Variants in DOCK1 observed in about 807,000 individuals in gnomAD.
The protein encoded by DOCK1 is dedicator of cytokinesis 1, also known as dedicator of cytokinesis protein 1.
A neutral mutation model predicts 262.7 loss-of-function variants in DOCK1; 138 were observed. That is an observed-to-expected ratio of 0.53 (90% CI 0.46 to 0.61). DOCK1 has a LOEUF of 0.61. Among genes scored for constraint, DOCK1 ranks in the 20% least tolerant of loss-of-function variants. The probability of loss-of-function intolerance (pLI) is 0.00; values close to 1 mark genes in which losing one functional copy is unlikely to be tolerated. For synonymous variants in DOCK1, 866 were observed against 867.4 expected (o/e 1.00, Z 0.03); for missense variants, 1,908 against 2,370.7 (o/e 0.80, Z 4.05).
chr10:127,252,610 G>A (rs1034883434), intron 28 of DOCK1, among the ~76,000 whole-genome samples: 87 of 150,814 alleles, frequency 5.8e-4, no homozygotes, highest in African/African-American at 2.0e-3. Flanking sequence ...CATATGGCTA[G>A]CCAGTTTTCC....
chr10:127,270,901 G>A (rs2060539412), intron 29 of DOCK1, among the ~76,000 whole-genome samples: 1 of 152,070 alleles, frequency 6.6e-6, no homozygotes, highest in Admixed American at 6.6e-5. Flanking sequence ...TGATTAGGTT[G>A]AGCACATTTT....
chr10:127,153,785 G>T, intron 27 of DOCK1: 1 of 1,248,422 alleles, frequency 8.0e-7, no homozygotes, highest in Non-Finnish European at 1.2e-6. Context: ...GATCGTTCTT[G>T]CATTTGTGGG....
Position 127,012,404 on chromosome 10 carries a change from G to T in DOCK1, c.1201+30G>T. 2 of 1,609,140 alleles carry T rather than the reference G, an allele frequency of 1.2e-6. No individual in the cohort carries two copies. Among genetic ancestry groups the T allele is most frequent in the Non-Finnish European group, 1.7e-6 (2 of 1,175,752 alleles). On this transcript the variant is annotated intron_variant, in intron 12 of 51. Transcript: ENST00000623213. The surrounding 1 kb of genome is among the most constrained non-coding windows in gnomAD (Gnocchi z 4.0). ...GTATTTTCCTATTTTGTTTCTATCA[G>T]CGTGTATTTGCATGCGTTGGGGCAG... is the stretch of plus-strand genomic sequence containing the variant.
intron 35 of DOCK1, among the ~76,000 whole-genome samples, chr10:127,379,229 C>T (rs185741455): frequency 9.8e-4 from 149 of 152,282 alleles, no homozygotes; most frequent in African/African-American, 3.5e-3. Context: ...AGATGTTCAC[C>T]TTAAGAAATA....
Position 127,413,916 on chromosome 10 carries a change from A to ATT in DOCK1, c.4429-1236_4429-1235insTT, listed in dbSNP as rs200195531. Among the ~76,000 whole-genome samples, 79 of 148,050 alleles carry ATT rather than the reference A, an allele frequency of 5.3e-4. 1 individual carries two copies. The highest frequency in any genetic ancestry group is 3.9e-3 in the South Asian group (18 of 4,568). On this transcript the variant is annotated intron_variant, in intron 43 of 51. Transcript: ENST00000623213. ...CCAAGATCCAAGTCAGTTTTCTGAA[A>ATT]ATTTTTTTTTTTTGAGAGAGAGTCT...
intron 48 of DOCK1, among the ~76,000 whole-genome samples, chr10:127,438,110 C>A (rs1351461453): frequency 1.3e-5 from 2 of 152,228 alleles, no homozygotes; most frequent in African/African-American, 4.8e-5. Flanking sequence ...TCTCCTGACT[C>A]CTCCTCACAG....
intron 44 of DOCK1, among the ~76,000 whole-genome samples, chr10:127,416,690 T>C (rs1009523357): frequency 6.6e-6 from 1 of 152,136 alleles, no homozygotes; most frequent in Admixed American, 6.5e-5. Context: ...CCTTCTTCAA[T>C]AAAAATAGGA....
At chr10:127,217,334 A>G (rs906727952) in intron 27 of DOCK1, among the ~76,000 whole-genome samples, 2 of 152,198 alleles carry the variant, frequency 1.3e-5, no homozygotes, top group Non-Finnish European at 2.9e-5. Context: ...GCTTTATTTC[A>G]TTAGTGATAT....
chr10:127,127,993 C>T (rs944644156), intron 27 of DOCK1: 6 of 332,652 alleles, frequency 1.8e-5, no homozygotes, highest in Admixed American at 4.7e-5. Flanking sequence ...TTACTTATAG[C>T]AAAAGACATG....
At position 127,248,029 on chromosome 10, in the gene DOCK1, A is replaced by G; in HGVS notation, c.2869A>G (p.Thr957Ala). The change falls in exon 28 of 52, where the codon ACA becomes GCA. Residue 957 changes from threonine to alanine, a missense_variant. This residue lies in a region of DOCK1 where 518 missense variants were observed against 575.1 expected (regional missense o/e 0.90). Coordinates refer to ENST00000623213, the MANE Select transcript of DOCK1 (RefSeq NM_001290223.2). ...ACAGGGAAACTTCGTGGCTTGCATG[A>G]CAGCTATTTTACGACAAATGGAAGA... Reference protein sequence around the residue: ...ELIGNFVACMTAILRQMEDYH... With the variant: ...ELIGNFVACMAAILRQMEDYH... 1.9e-6 allele frequency: 3 copies of G among 1,613,956 alleles called. No individual in the cohort carries two copies. Among genetic ancestry groups the G allele is most frequent in the Non-Finnish European group, 2.5e-6 (3 of 1,179,868 alleles).
intron 27 of DOCK1, among the ~76,000 whole-genome samples, chr10:127,184,248 G>C (rs1308713627): frequency 6.6e-6 from 1 of 152,160 alleles, no homozygotes; most frequent in Non-Finnish European, 1.5e-5. Context: ...CAACTTAGTA[G>C]ATTCTGTCAG....
chr10:127,137,873 A>G, intron 27 of DOCK1: 1 of 1,614,032 alleles, frequency 6.2e-7, no homozygotes, highest in Non-Finnish European at 8.5e-7. Flanking sequence ...CGTGCTTTTT[A>G]GATTCAGTTT....
At chr10:127,433,550 C>G in intron 48 of DOCK1, 122 bp downstream of exon 48, 1 of 1,313,800 alleles carries the variant, frequency 7.6e-7, no homozygotes, top group Non-Finnish European at 1.0e-6. Context: ...TCAAAATTAT[C>G]TTTGAAACTG....
Position 127,106,292 on chromosome 10 carries a change from A to G in DOCK1, c.2507A>G (p.Lys836Arg), listed in dbSNP as rs1241224348. 4.4e-6 allele frequency: 7 copies of G among 1,596,768 alleles called. No homozygotes were observed. Among genetic ancestry groups the G allele is most frequent in the Non-Finnish European group, 6.0e-6 (7 of 1,170,664 alleles). The change falls in exon 24 of 52, where the codon AAA (lysine) becomes AGA (arginine). Residue 836 changes from lysine to arginine, a missense_variant. Physicochemically the swap from Lys to Arg is conservative, Grantham distance 26. Transcript: ENST00000623213. The part of the protein sequence containing the change: ...VNDVKLVFDP[K>R]ELSKMFTEFI... ...GATGTGAAATTGGTGTTTGATCCCA[A>G]AGAGCTCAGGTAAGTATGCAGCCCA...
At chr10:127,347,493 C>G (rs893754544) in intron 31 of DOCK1, among the ~76,000 whole-genome samples, 1 of 152,120 alleles carries the variant, frequency 6.6e-6, no homozygotes, top group Admixed American at 6.5e-5. Flanking sequence ...CACGGGACAT[C>G]GAGTGCCAAA....
chr10:127,314,067 CTCT>C (rs2135517750), intron 29 of DOCK1, among the ~76,000 whole-genome samples: 1 of 152,304 alleles, frequency 6.6e-6, no homozygotes, highest in South Asian at 2.1e-4. Flanking sequence ...GGAAATATTT[CTCT>C]TAACTCAGAA....
chr10:127,129,629 A>T (rs2050186029), intron 27 of DOCK1, among the ~76,000 whole-genome samples: 1 of 152,168 alleles, frequency 6.6e-6, no homozygotes, highest in Admixed American at 6.5e-5. Flanking sequence ...CTGACGTCTG[A>T]CGTTCCTGTC....
At chr10:126,955,147 G>T (rs1171387808) in intron 1 of DOCK1, among the ~76,000 whole-genome samples, 1 of 152,090 alleles carries the variant, frequency 6.6e-6, no homozygotes, top group Non-Finnish European at 1.5e-5. Context: ...TTTTTCTTGA[G>T]ATGGAGTCTT....
chr10:127,087,334 A>G (rs1339323895), intron 23 of DOCK1, among the ~76,000 whole-genome samples: 2 of 152,190 alleles, frequency 1.3e-5, no homozygotes, highest in Non-Finnish European at 1.5e-5. Flanking sequence ...TAGAGAATCC[A>G]GTTAGATGGC....
Sources: allele counts gnomAD v4.1 joint callset (sites outside exome capture counted in the v4.1 genomes callset), GRCh38; gene constraint gnomAD v4.1.1; regional missense constraint gnomAD v4.1.1; non-coding constraint Gnocchi (gnomAD v3.1); transcripts MANE v1.5; gene names NCBI Gene and HGNC (gene_info 2026-07-23, HGNC 2026-07-21).